The following MARK1 variants were observed in gnomAD, a reference collection of about 807,000 sequenced individuals.
MARK1 encodes microtubule affinity regulating kinase 1.
A neutral mutation model predicts 96.3 loss-of-function variants in MARK1; 40 were observed. The observed-to-expected ratio is 0.42, with a 90% confidence interval of 0.32 to 0.54. The LOEUF is 0.54. Ranked by LOEUF, MARK1 falls within the 20% of genes least tolerant of loss-of-function variation. The pLI is 0.16. For synonymous variants in MARK1, 317 were observed against 341.2 expected, an observed-to-expected ratio of 0.93 and a Z score of 0.78; for missense variants, 719 against 984.6, an observed-to-expected ratio of 0.73 and a Z score of 3.61.
chr1:220,625,325 A>G (rs913052329), intron 9 of MARK1, among the ~76,000 whole-genome samples: 11 of 152,230 alleles, frequency 7.2e-5, no homozygotes, highest in East Asian at 5.8e-4. Flanking sequence ...TATTCATTCA[A>G]TTTACAAATA....
intron 13 of MARK1, among the ~76,000 whole-genome samples, chr1:220,648,999 G>A (rs142207399): frequency 1.1e-3 from 172 of 152,240 alleles, no homozygotes; most frequent in African/African-American, 3.9e-3. Flanking sequence ...ATAAAATATG[G>A]TATGTCTGTA....
At chr1:220,544,294 A>G (rs1228164629) in intron 1 of MARK1, among the ~76,000 whole-genome samples, 1 of 152,216 alleles carries the variant, frequency 6.6e-6, no homozygotes, top group East Asian at 1.9e-4. Flanking sequence ...TTAATACCCA[A>G]TGCAACAGTG....
At chr1:220,596,126 C>T (rs939536949) in intron 3 of MARK1, among the ~76,000 whole-genome samples, 4 of 152,130 alleles carry the variant, frequency 2.6e-5, no homozygotes, top group Non-Finnish European at 4.4e-5. Context: ...AGCAACAAAT[C>T]GATGATATTT....
At chr1:220,624,523 G>C (rs1410052403) in intron 9 of MARK1, among the ~76,000 whole-genome samples, 1 of 150,908 alleles carries the variant, frequency 6.6e-6, no homozygotes, top group Non-Finnish European at 1.5e-5. Context: ...GCTTGAACCT[G>C]GGAGGGCAGA....
At chr1:220,578,011 A>G (rs1487880367) in intron 1 of MARK1, among the ~76,000 whole-genome samples, 1 of 152,234 alleles carries the variant, frequency 6.6e-6, no homozygotes, top group Non-Finnish European at 1.5e-5. Flanking sequence ...ATGACTTTGA[A>G]TCATGCTTTG....
At chr1:220,650,155 C>T (rs1321867632) in intron 13 of MARK1, among the ~76,000 whole-genome samples, 1 of 152,120 alleles carries the variant, frequency 6.6e-6, no homozygotes, top group African/African-American at 2.4e-5. Flanking sequence ...CTTAATATTC[C>T]TGGTGGTTGA....
At chr1:220,647,901 G>A (rs1402842220) in intron 13 of MARK1, among the ~76,000 whole-genome samples, 2 of 152,100 alleles carry the variant, frequency 1.3e-5, no homozygotes, top group Non-Finnish European at 2.9e-5. Flanking sequence ...AGAGGAGGGC[G>A]GAGGTCGCGG....
intron 17 of MARK1, among the ~76,000 whole-genome samples, chr1:220,659,962 A>G (rs61471614): frequency 0.011 from 1,714 of 152,226 alleles, 26 homozygotes; most frequent in African/African-American, 0.039. Context: ...TAATTTTTGT[A>G]TTTTTAGTAG....
intron 15 of MARK1, 147 bp downstream of exon 15, chr1:220,652,297 A>C (rs1004297644): frequency 1.8e-6 from 1 of 551,616 alleles, no homozygotes; most frequent in African/African-American, 1.9e-5. Context: ...ATTGTAACAT[A>C]AACTTTCTAT....
At chr1:220,577,238 G>A (rs191618212) in intron 1 of MARK1, among the ~76,000 whole-genome samples, 1 of 151,670 alleles carries the variant, frequency 6.6e-6, no homozygotes, top group Non-Finnish European at 1.5e-5. Context: ...CTGCACTCCA[G>A]CCTGGGTGAC....
At chr1:220,596,015 T>G (rs1049602751) in intron 3 of MARK1, among the ~76,000 whole-genome samples, 4 of 152,180 alleles carry the variant, frequency 2.6e-5, no homozygotes, top group African/African-American at 9.6e-5. Context: ...AGAAATCAAG[T>G]ATTGGGTTTG....
rs59291954 is a variant in MARK1, at chr1:220,561,371, A to AT, written c.52-17973dup. ...TTAAAACATTACGAGAATTTCTGTG[A>AT]TTTTTTTTTTAAGTTCATCAGCTGT... On this transcript the variant is annotated intron_variant, in intron 1 of 17. Coordinates refer to ENST00000366917, the MANE Select transcript of MARK1 (RefSeq NM_018650.5). 2.3e-3 allele frequency among the ~76,000 whole-genome samples: 349 copies of AT among 150,104 alleles called. 1 individual carries two copies. The East Asian group carries it at 0.035, about 15-fold the overall frequency.
chr1:220,627,210 A>G (rs1379630152), intron 9 of MARK1: 3 of 473,834 alleles, frequency 6.3e-6, no homozygotes, highest in African/African-American at 4.0e-5. Context: ...ACCCTGACAA[A>G]TGGATCTCGA....
Position 220,631,105 on chromosome 1 carries a change from A to T in MARK1, c.980A>T (p.Asp327Val), listed in dbSNP as rs1488305219. Residue 327 changes from aspartate (D) to valine (V), a missense_variant, in exon 10 of 18, where the codon GAT (aspartate) becomes GTT (valine). Around this residue, in one of 4 missense-constraint regions of MARK1, gnomAD observed 501 missense variants for 588.3 expected, o/e 0.85. Transcript: ENST00000366917. ...GAACTAAAGCCATATACTGAGCCTG[A>T]TCCGGATTTCAATGACACAAAAAGA... ...EEELKPYTEP[D>V]PDFNDTKRID... 6.2e-7 allele frequency: 1 copy of T among 1,612,812 alleles called. No individual in the cohort carries two copies. The highest frequency in any genetic ancestry group is 1.7e-5 in the Admixed American group (1 of 59,934).
intron 12 of MARK1, 98 bp from the exon 13 acceptor site, chr1:220,635,735 T>C: frequency 2.5e-6 from 3 of 1,211,446 alleles, no homozygotes; most frequent in Non-Finnish European, 3.4e-6. Context: ...GTTTAAAGCA[T>C]GCAAATATGG....
chr1:220,575,011 A>C (rs1663736957), intron 1 of MARK1, among the ~76,000 whole-genome samples: 1 of 152,190 alleles, frequency 6.6e-6, no homozygotes, highest in Non-Finnish European at 1.5e-5. Context: ...AAAACATTGC[A>C]ATTTTTAAAA....
intron 9 of MARK1, chr1:220,626,616 G>A (rs933002918): frequency 2.7e-6 from 1 of 365,438 alleles, no homozygotes; most frequent in African/African-American, 2.1e-5. Context: ...GAGGTCAGAA[G>A]TTTGACACCA....
At chr1:220,660,403 C>G (rs531350292) in intron 17 of MARK1, among the ~76,000 whole-genome samples, 14 of 152,168 alleles carry the variant, frequency 9.2e-5, no homozygotes, top group Admixed American at 9.2e-4. Flanking sequence ...ACTCAGATAC[C>G]TAGGCTCAGA....
chr1:220,593,577 C>T (rs150843290), intron 3 of MARK1, among the ~76,000 whole-genome samples: 129 of 152,282 alleles, frequency 8.5e-4, no homozygotes, highest in African/African-American at 3.0e-3. Context: ...AGATCCTCTG[C>T]AAATCTAACC....
Sources: gnomAD v4.1 joint callset for allele counts (sites outside exome capture counted in the v4.1 genomes callset) on GRCh38, gnomAD v4.1.1 for gene constraint, gnomAD v4.1.1 regional missense constraint, MANE v1.5 for transcripts, NCBI Gene and HGNC (gene_info 2026-07-23, HGNC 2026-07-21) for gene names.